COL4A1: variants seen among roughly 807,000 people sequenced by gnomAD.
The protein encoded by COL4A1 is collagen alpha-1(IV) chain.
In COL4A1, 40 loss-of-function variants were observed where a neutral mutation model predicts 216.6. The observed-to-expected ratio is 0.18, with a 90% confidence interval of 0.14 to 0.24. COL4A1 has a LOEUF of 0.24. Among genes scored for constraint, COL4A1 ranks in the 10% least tolerant of loss-of-function variants. The pLI is 1.00. For missense variants in COL4A1, 1,628 were observed against 2,196.8 expected (o/e 0.74, Z 5.18); for synonymous variants, 839 against 810.7 (o/e 1.03, Z -0.59).
intron 1 of COL4A1, among the ~76,000 whole-genome samples, chr13:110,252,731 G>A (rs893454256): frequency 2.2e-4 from 10 of 46,318 alleles, no homozygotes; most frequent in Non-Finnish European, 3.4e-4. Context: ...ATAATTATAA[G>A]TATGTATGTA....
chr13:110,305,713 T>C (rs1255816828), intron 1 of COL4A1: 1 of 152,234 alleles, frequency 6.6e-6, no homozygotes, highest in African/African-American at 2.4e-5. Context: ...GATGTAATCA[T>C]TAGTCCTTTC....
At chr13:110,185,264 G>A (rs1878348719) in intron 26 of COL4A1, among the ~76,000 whole-genome samples, 1 of 152,094 alleles carries the variant, frequency 6.6e-6, no homozygotes, top group Non-Finnish European at 1.5e-5. Context: ...TCCTGCCTCA[G>A]CCTCCAGAGT....
intron 10 of COL4A1, 107 bp from the exon 11 acceptor site, chr13:110,209,534 T>C: frequency 1.1e-6 from 1 of 895,494 alleles, no homozygotes; most frequent in Non-Finnish European, 1.8e-6. Context: ...CATGATAATT[T>C]ATTTGTGAAA....
chr13:110,161,934 C>A (rs1264360029), intron 48 of COL4A1: 37 of 454,152 alleles, frequency 8.1e-5, no homozygotes. Flanking sequence ...GAATCTTGAT[C>A]CTACTTGATA....
intron 1 of COL4A1, among the ~76,000 whole-genome samples, chr13:110,299,096 C>G (rs563480246): frequency 6.6e-6 from 1 of 152,300 alleles, no homozygotes; most frequent in East Asian, 1.9e-4. Flanking sequence ...GAGCAGAAAT[C>G]AACGGAAAAA....
intron 2 of COL4A1, among the ~76,000 whole-genome samples, chr13:110,230,833 G>T (rs1881016464): frequency 6.6e-6 from 1 of 152,336 alleles, no homozygotes; most frequent in African/African-American, 2.4e-5. Flanking sequence ...CGGAAGCAAG[G>T]AGGCCTCCAG....
At chr13:110,301,592 C>T (rs1404300643) in intron 1 of COL4A1, among the ~76,000 whole-genome samples, 1 of 152,100 alleles carries the variant, frequency 6.6e-6, no homozygotes, top group Non-Finnish European at 1.5e-5. Context: ...TTTTAAAATC[C>T]AGATAGTCAA....
At chr13:110,175,414 AT>A (rs1170333614) in intron 36 of COL4A1, 57 bp from the exon 37 acceptor site, 9 of 1,608,710 alleles carry the variant, frequency 5.6e-6, no homozygotes, top group Non-Finnish European at 7.6e-6. Context: ...GGTATTACAA[AT>A]GAAAAAGTGC....
chr13:110,211,766 G>C lies in COL4A1; in HGVS notation c.442-93C>G, dbSNP rs1879807874. ...ATGTAATATTATATATAAAATATAA[G>C]TTATTAAAACATAAGCAAAGAAAGA... is the stretch of plus-strand genomic sequence containing the variant. On this transcript the variant is annotated intron_variant, in intron 7 of 51. Coordinates refer to ENST00000375820, the MANE Select transcript of COL4A1 (RefSeq NM_001845.6). This position sits in a 1 kb window ranked among gnomAD's most constrained non-coding sequence, Gnocchi z 4.3. 3 of 1,464,658 alleles carry C rather than the reference G, an allele frequency of 2.0e-6. No homozygotes were observed. In the East Asian group the frequency reaches 6.8e-5, roughly 33 times the overall value. 90.7% of individuals were successfully genotyped at this position (1,464,658 alleles called of 1,614,324 possible).
chr13:110,252,441 A>G, intron 1 of COL4A1, among the ~76,000 whole-genome samples: 1 of 114,924 alleles, frequency 8.7e-6, no homozygotes, highest in African/African-American at 3.5e-5. Context: ...ATGTATAATT[A>G]TACGTATATG....
At chr13:110,175,723 G>T (rs1331268096) in intron 36 of COL4A1, among the ~76,000 whole-genome samples, 1 of 152,176 alleles carries the variant, frequency 6.6e-6, no homozygotes, top group Non-Finnish European at 1.5e-5. Flanking sequence ...GACGTCACAG[G>T]GACTATGAGG....
At chr13:110,154,798 G>GCTGGTCAT (rs1876698262) in intron 50 of COL4A1, among the ~76,000 whole-genome samples, 1 of 73,576 alleles carries the variant, frequency 1.4e-5, no homozygotes, top group Non-Finnish European at 2.9e-5. Flanking sequence ...GCTGCTCAAA[G>GCTGGTCAT]ATGGAAGCTG....
At chr13:110,175,716 G>A (rs1017377556) in intron 36 of COL4A1, among the ~76,000 whole-genome samples, 2 of 152,188 alleles carry the variant, frequency 1.3e-5, no homozygotes, top group Admixed American at 6.5e-5. Context: ...TCAGCCAGAC[G>A]TCACAGGGAC....
chr13:110,186,841 A>C (rs1036239492), intron 25 of COL4A1, among the ~76,000 whole-genome samples: 3 of 152,176 alleles, frequency 2.0e-5, no homozygotes, highest in Admixed American at 1.3e-4. Context: ...GAATACTATT[A>C]ACTTTAGATT....
At chr13:110,204,648 A>T (rs191722435) in intron 17 of COL4A1, among the ~76,000 whole-genome samples, 1 of 142,950 alleles carries the variant, frequency 7.0e-6, no homozygotes, top group Admixed American at 7.0e-5. Context: ...TATTTTTTAG[A>T]TTTTTTTTTT....
intron 2 of COL4A1, among the ~76,000 whole-genome samples, chr13:110,224,481 C>G (rs1017630243): frequency 3.3e-5 from 5 of 152,134 alleles, no homozygotes; most frequent in African/African-American, 1.2e-4. Flanking sequence ...CACCATCATG[C>G]CTGGCTAATT....
At chr13:110,182,347 C>T (rs1878205848) in intron 28 of COL4A1, among the ~76,000 whole-genome samples, 1 of 152,162 alleles carries the variant, frequency 6.6e-6, no homozygotes, top group Admixed American at 6.6e-5. Flanking sequence ...AGATTTCAAC[C>T]TAAGTGTGGC....
At chr13:110,245,764 G>A (rs541567728) in intron 1 of COL4A1, among the ~76,000 whole-genome samples, 6 of 152,220 alleles carry the variant, frequency 3.9e-5, no homozygotes, top group South Asian at 4.1e-4. Context: ...GTGGACCCTC[G>A]GGTCAAGACG....
chr13:110,226,857 G>C (rs1223750373), intron 2 of COL4A1, among the ~76,000 whole-genome samples: 1 of 152,144 alleles, frequency 6.6e-6, no homozygotes, highest in African/African-American at 2.4e-5. Context: ...AAACTGAATA[G>C]ATAAGAAAAG....
Sources: gnomAD v4.1 joint callset for allele counts (sites outside exome capture counted in the v4.1 genomes callset) on GRCh38, gnomAD v4.1.1 for gene constraint, Gnocchi (gnomAD v3.1) non-coding constraint, MANE v1.5 for transcripts, NCBI Gene and HGNC (gene_info 2026-07-23, HGNC 2026-07-21) for gene names.